CDC42BPA: variants seen among roughly 807,000 people sequenced by gnomAD.
CDC42BPA encodes the protein CDC42 binding protein kinase alpha.
In CDC42BPA, 80 loss-of-function variants were observed where a neutral mutation model predicts 223.5. That is an observed-to-expected ratio of 0.36 (90% CI 0.30 to 0.43). The LOEUF is 0.43. Among genes scored for constraint, CDC42BPA ranks in the 20% least tolerant of loss-of-function variants. The pLI is 1.00. For synonymous variants in CDC42BPA, 694 were observed against 718.6 expected (o/e 0.97, Z 0.55); for missense variants, 1,743 against 2,099.9 (o/e 0.83, Z 3.32).
At chr1:227,170,359 T>C (rs907534711) in intron 5 of CDC42BPA, among the ~76,000 whole-genome samples, 1 of 152,010 alleles carries the variant, frequency 6.6e-6, no homozygotes, top group African/African-American at 2.4e-5. Flanking sequence ...TTGACAGTGA[T>C]TCTTCCAACC....
chr1:227,007,976 C>A (rs1314950917), intron 34 of CDC42BPA, among the ~76,000 whole-genome samples: 1 of 152,190 alleles, frequency 6.6e-6, no homozygotes, highest in Non-Finnish European at 1.5e-5. Flanking sequence ...CACTCACCAC[C>A]TCAGGGTCCT....
At chr1:227,264,837 C>T (rs1684707331) in intron 1 of CDC42BPA, 1 of 1,508,140 alleles carries the variant, frequency 6.6e-7, no homozygotes, top group African/African-American at 1.4e-5. Context: ...GTGTATGCCA[C>T]TGTAATTCCT....
intron 34 of CDC42BPA, among the ~76,000 whole-genome samples, chr1:227,007,224 A>C (rs1433909971): frequency 4.6e-5 from 7 of 152,232 alleles, no homozygotes; most frequent in Admixed American, 4.6e-4. Context: ...TTCTCTTCAT[A>C]GAATGCTATA....
intron 10 of CDC42BPA, among the ~76,000 whole-genome samples, chr1:227,129,843 A>T (rs984666036): frequency 5.9e-5 from 9 of 152,084 alleles, no homozygotes; most frequent in Non-Finnish European, 1.2e-4. Flanking sequence ...AAAGCCTGGT[A>T]TGTCAGTCAG....
intron 16 of CDC42BPA, among the ~76,000 whole-genome samples, chr1:227,081,614 G>A (rs1006198251): frequency 2.6e-5 from 4 of 151,760 alleles, no homozygotes; most frequent in South Asian, 4.2e-4. Context: ...CATCACGCCC[G>A]GCTAATTTTT....
At chr1:227,056,961 T>C (rs1459049793) in intron 21 of CDC42BPA, among the ~76,000 whole-genome samples, 16 of 152,226 alleles carry the variant, frequency 1.1e-4, no homozygotes, top group Admixed American at 7.9e-4. Flanking sequence ...TTACTAGTTA[T>C]ACATAATGCA....
At chr1:227,288,845 T>C (rs1689226928) in intron 1 of CDC42BPA, among the ~76,000 whole-genome samples, 2 of 148,234 alleles carry the variant, frequency 1.3e-5, no homozygotes, top group South Asian at 4.3e-4. Context: ...AAATACAAAA[T>C]TGGCCAGGTG....
intron 2 of CDC42BPA, among the ~76,000 whole-genome samples, chr1:227,244,001 CA>C (rs367709210): frequency 0.056 from 8,039 of 142,292 alleles, 234 homozygotes; most frequent in Non-Finnish European, 0.075. Context: ...ACTCACTCAC[CA>C]AAAAAAAACT....
intron 17 of CDC42BPA, among the ~76,000 whole-genome samples, chr1:227,075,216 T>C (rs561460356): frequency 2.0e-5 from 3 of 152,314 alleles, no homozygotes; most frequent in South Asian, 2.1e-4. Flanking sequence ...TAAACACACT[T>C]TGGGGAAGAC....
intron 10 of CDC42BPA, among the ~76,000 whole-genome samples, chr1:227,134,539 GATTT>G (rs1215920552): frequency 1.3e-5 from 2 of 152,106 alleles, no homozygotes; most frequent in Non-Finnish European, 2.9e-5. Context: ...CTTTGTATGT[GATTT>G]ATTGTCTGTC....
chr1:227,294,210 T>C (rs2148675168), intron 1 of CDC42BPA, among the ~76,000 whole-genome samples: 1 of 151,810 alleles, frequency 6.6e-6, no homozygotes, highest in South Asian at 2.1e-4. Context: ...AGGCAGAGCT[T>C]GCAGTGAGCT....
At chr1:227,029,873 G>A (rs1007524015) in intron 29 of CDC42BPA, among the ~76,000 whole-genome samples, 18 of 152,062 alleles carry the variant, frequency 1.2e-4, no homozygotes, top group African/African-American at 3.9e-4. Flanking sequence ...AGTGGCTCAT[G>A]CTTATAATCT....
Position 227,169,148 on chromosome 1 carries a change from T to A in CDC42BPA, c.600-8512A>T, listed in dbSNP as rs376616527. On this transcript the variant is annotated intron_variant, in intron 5 of 36. Coordinates refer to ENST00000366766, the MANE Select transcript of CDC42BPA (RefSeq NM_001394014.1). ...TTTGTTTCTAGTTCTGTGCTGAGATTTCCTATTTTTTCATATATTGTGAAC... is the reference window on the plus strand; with the variant it reads ...TTTGTTTCTAGTTCTGTGCTGAGATATCCTATTTTTTCATATATTGTGAAC... Among the ~76,000 whole-genome samples the A allele has an allele frequency of 1.5e-4, 23 of 152,328 alleles. 1 individual carries two copies. Among genetic ancestry groups the A allele is most frequent in the East Asian group, 1.3e-3 (7 of 5,186 alleles).
intron 35 of CDC42BPA, among the ~76,000 whole-genome samples, chr1:226,999,921 G>A (rs962873130): frequency 1.5e-4 from 22 of 149,356 alleles, no homozygotes; most frequent in Non-Finnish European, 3.0e-4. Context: ...GACACAGGGA[G>A]GGGAATATCA....
rs769991846 is a variant in CDC42BPA at position 227,029,203 on chromosome 1, T to G, written c.3886A>C (p.Ile1296Leu). ...DNKKIHQIELIPNDQLVAVIS... is the reference protein window; with the variant it reads ...DNKKIHQIELLPNDQLVAVIS... Reference sequence around the variant, plus strand: ...ACAGCAACAAGCTGATCATTTGGAATGAGTTCAATCTGATGAATCTTCTTA... The same window carrying G: ...ACAGCAACAAGCTGATCATTTGGAAGGAGTTCAATCTGATGAATCTTCTTA... The change falls in exon 30 of 37, where the codon ATT (isoleucine) becomes CTT (leucine). Residue 1296 changes from isoleucine (I) to leucine (L), a missense_variant. Around this residue, in one of 6 missense-constraint regions of CDC42BPA, gnomAD observed 678 missense variants for 777.5 expected, o/e 0.87. Transcript: ENST00000366766. 2 of 1,600,238 alleles carry G rather than the reference T, an allele frequency of 1.2e-6. No homozygotes were observed. Among genetic ancestry groups the G allele is most frequent in the Middle Eastern group, 1.7e-4 (1 of 6,060 alleles).
intron 1 of CDC42BPA, among the ~76,000 whole-genome samples, chr1:227,272,183 G>C (rs966498976): frequency 6.6e-6 from 1 of 152,086 alleles, no homozygotes; most frequent in Non-Finnish European, 1.5e-5. Context: ...TAGGAGAAAA[G>C]CCAAGAAAAC....
intron 1 of CDC42BPA, among the ~76,000 whole-genome samples, chr1:227,288,998 AAAT>A (rs147917920): frequency 0.1 from 15,369 of 151,884 alleles, 1,201 homozygotes; most frequent in East Asian, 0.35. Context: ...CTTGTTTCAA[AAAT>A]AATAATAATA....
chr1:226,994,645 G>A lies in CDC42BPA; in HGVS notation c.5133+178C>T, dbSNP rs115238725. Among the ~76,000 whole-genome samples the A allele has an allele frequency of 6.0e-3, 913 of 152,262 alleles. 10 individuals are homozygous for A. The highest frequency in any genetic ancestry group is 0.021 in the African/African-American group (859 of 41,540). On this transcript the variant is annotated intron_variant, in intron 36 of 36. Coordinates refer to ENST00000366766, the MANE Select transcript of CDC42BPA (RefSeq NM_001394014.1). The surrounding 1 kb of genome is among the most constrained non-coding windows in gnomAD (Gnocchi z 4.0). ...AAAGCCAGAAGTCTGAATGCCTCTG[G>A]GAAAACTGCAGTTTGCAGCCCGAGT... is the stretch of plus-strand genomic sequence containing the variant.
At chr1:227,235,250 T>G (rs1211774414) in intron 2 of CDC42BPA, 2 of 152,186 alleles carry the variant, frequency 1.3e-5, no homozygotes, top group African/African-American at 4.8e-5. Flanking sequence ...GAAAACTGAC[T>G]AGGGTGACAA....
Sources: gnomAD v4.1 joint callset for allele counts (sites outside exome capture counted in the v4.1 genomes callset) on GRCh38, gnomAD v4.1.1 for gene constraint, gnomAD v4.1.1 regional missense constraint, Gnocchi (gnomAD v3.1) non-coding constraint, MANE v1.5 for transcripts, NCBI Gene and HGNC (gene_info 2026-07-23, HGNC 2026-07-21) for gene names.